FSD1L: variants seen among roughly 807,000 people sequenced by gnomAD.
FSD1L encodes the protein fibronectin type III and SPRY domain containing 1 like.
In FSD1L, 45 loss-of-function variants were observed where a neutral mutation model predicts 71.6. The ratio of observed to expected loss-of-function variants is 0.63; its 90% confidence interval spans 0.49 to 0.81. The LOEUF (loss-of-function observed/expected upper bound fraction) is 0.81. Among genes scored for constraint, FSD1L ranks in the 30% least tolerant of loss-of-function variants. The probability of loss-of-function intolerance (pLI) is 0.00; values close to 1 mark genes in which losing one functional copy is unlikely to be tolerated. For synonymous variants in FSD1L, 197 were observed against 207.2 expected (o/e 0.95, Z 0.42); for missense variants, 561 against 618.1 (o/e 0.91, Z 0.98).
chr9:105,513,340 A>G lies in FSD1L; in HGVS notation c.1025+404A>G, dbSNP rs74962883. On this transcript the variant is annotated intron_variant, in intron 10 of 13. Transcript: ENST00000481272. ...CCTAGGGTCTTGCCTCTGATCAGCA[A>G]CACAATGAACCTAAGAGGCAGGTTC... is the stretch of plus-strand genomic sequence containing the variant. Among the ~76,000 whole-genome samples, 1,399 of 152,304 alleles carry G rather than the reference A, an allele frequency of 9.2e-3. 21 individuals carry two copies. The highest frequency in any genetic ancestry group is 0.032 in the African/African-American group (1,340 of 41,568).
intron 7 of FSD1L, among the ~76,000 whole-genome samples, chr9:105,489,751 C>T (rs1044113186): frequency 3.9e-5 from 6 of 152,140 alleles, no homozygotes; most frequent in South Asian, 2.1e-4. Flanking sequence ...TGAGAATATG[C>T]GGTGTTAGGT....
At chr9:105,541,632 G>T (rs1363299916) in intron 13 of FSD1L, among the ~76,000 whole-genome samples, 2 of 151,848 alleles carry the variant, frequency 1.3e-5, no homozygotes, top group African/African-American at 2.4e-5. Flanking sequence ...TAAATGTTTT[G>T]TGTACAAGAT....
intron 1 of FSD1L, among the ~76,000 whole-genome samples, chr9:105,452,665 GCCTGCCTTCCTTCCTTCCTT>G (rs1830097076): frequency 3.5e-5 from 3 of 85,850 alleles, no homozygotes; most frequent in African/African-American, 9.5e-5. Context: ...CTGCCTGCCT[GCCTGCCTTCCTTCCTTCCTT>G]CCTTCCTTCC....
chr9:105,546,239 T>C (rs373293067), intron 13 of FSD1L, 119 bp from the exon 14 acceptor site: 1 of 834,932 alleles, frequency 1.2e-6, no homozygotes, highest in Non-Finnish European at 1.8e-6. Context: ...TGACAGTTAA[T>C]GTGTTTGAGA....
At chr9:105,524,526 G>A in intron 10 of FSD1L, 1 of 1,613,946 alleles carries the variant, frequency 6.2e-7, no homozygotes, top group South Asian at 1.1e-5. Context: ...AGAAAAATCT[G>A]TTCTCAATTG....
In FSD1L at chr9:105,508,605, T is replaced by C. The variant is rs532884776; in HGVS notation, c.797-12T>C. On this transcript the variant is annotated splice_polypyrimidine_tract_variant and intron_variant, in intron 8 of 13. Transcript: ENST00000481272. ...CTGTACATGTCTGAAAACCATGTTT[T>C]CGTTTCTTCAGGCTTAAAATTTGAT... 3.3e-6 allele frequency: 5 copies of C among 1,508,588 alleles called. No individual in the cohort carries two copies. The highest frequency in any genetic ancestry group is 1.7e-4 in the Middle Eastern group (1 of 5,916). 93.5% of individuals were successfully genotyped at this position (1,508,588 alleles called of 1,614,324 possible). A position where few individuals can be genotyped will look rare whatever the true frequency, so the allele number is the denominator to read the frequency against.
At chr9:105,482,685 T>C (rs1832289071) in intron 6 of FSD1L, among the ~76,000 whole-genome samples, 1 of 152,216 alleles carries the variant, frequency 6.6e-6, no homozygotes, top group Admixed American at 6.5e-5. Context: ...AATTGATTCA[T>C]GGAAACTTAA....
At chr9:105,510,866 A>G (rs903661956) in intron 9 of FSD1L, among the ~76,000 whole-genome samples, 9 of 152,196 alleles carry the variant, frequency 5.9e-5, no homozygotes, top group Non-Finnish European at 1.5e-5. Context: ...TAAACATATG[A>G]AACATATCTG....
rs1564098389 is a variant in FSD1L at position 105,481,181 on chromosome 9, T to TG, written c.464+1805_464+1806insG. The stretch of plus-strand genomic sequence containing the variant: ...TGTGTGTGTGTGTGTGTGTGTGTGG[T>TG]TCTTTTTTTTTTTTTTTTTTTTTGC... On this transcript the variant is annotated intron_variant, in intron 6 of 13. Coordinates refer to ENST00000481272, the MANE Select transcript of FSD1L (RefSeq NM_001145313.3). Among the ~76,000 whole-genome samples the TG allele has an allele frequency of 2.0e-4, 11 of 56,196 alleles. No homozygotes were observed. The East Asian group carries it at 3.3e-3, about 17-fold the overall frequency. The allele number at this position is 56,196 out of a possible 152,430, so 36.9% of individuals were successfully genotyped here.
At chr9:105,513,707 C>A (rs1834533104) in intron 10 of FSD1L, 2 of 1,175,632 alleles carry the variant, frequency 1.7e-6, no homozygotes, top group Non-Finnish European at 2.4e-6. Flanking sequence ...TTAATTTTAT[C>A]TTTTAACCAA....
intron 2 of FSD1L, among the ~76,000 whole-genome samples, chr9:105,463,635 A>G (rs1160196351): frequency 6.6e-6 from 1 of 152,234 alleles, no homozygotes; most frequent in African/African-American, 2.4e-5. Flanking sequence ...GCACCGAACC[A>G]GAGAGAAAAT....
chr9:105,482,894 C>T (rs1048740869), intron 6 of FSD1L, among the ~76,000 whole-genome samples: 2 of 152,052 alleles, frequency 1.3e-5, no homozygotes, highest in Non-Finnish European at 2.9e-5. Context: ...ATTTAAATAT[C>T]TAGTCAGGTT....
intron 13 of FSD1L, among the ~76,000 whole-genome samples, chr9:105,545,001 T>C (rs1310593066): frequency 6.6e-6 from 1 of 152,234 alleles, no homozygotes; most frequent in Non-Finnish European, 1.5e-5. Flanking sequence ...GCATTAAATC[T>C]ATAAATTACC....
At chr9:105,508,818 T>G (rs968953195) in intron 9 of FSD1L, 103 bp downstream of exon 9, 2 of 644,226 alleles carry the variant, frequency 3.1e-6, no homozygotes, top group Admixed American at 3.3e-5. Flanking sequence ...GAATTACTTC[T>G]CTACTTCTCC....
At chr9:105,451,749 GT>G (rs929714895) in intron 1 of FSD1L, among the ~76,000 whole-genome samples, 2 of 152,136 alleles carry the variant, frequency 1.3e-5, no homozygotes, top group African/African-American at 4.8e-5. Context: ...AATCCCAAAG[GT>G]TTCTTTACCG....
chr9:105,448,744 C>T (rs1349401527), intron 1 of FSD1L, among the ~76,000 whole-genome samples: 1 of 152,202 alleles, frequency 6.6e-6, no homozygotes, highest in Non-Finnish European at 1.5e-5. Flanking sequence ...CGCTCCCCTT[C>T]CCATGACTTT....
rs145534640 is a variant in FSD1L, at chr9:105,455,008, A to G, written c.16-6512A>G. On this transcript the variant is annotated intron_variant, in intron 1 of 13. Coordinates refer to ENST00000481272, the MANE Select transcript of FSD1L (RefSeq NM_001145313.3). ...TCTCTTTTTTTCACCTTCTTGCATC[A>G]CATCTGAGCATGATACTTTTGTTAA... Among the ~76,000 whole-genome samples, 1,025 of 152,160 alleles carry G rather than the reference A, an allele frequency of 6.7e-3. 11 individuals are homozygous for G. The highest frequency in any genetic ancestry group is 0.022 in the Admixed American group (339 of 15,278).
chr9:105,520,773 A>G (rs916116007), intron 10 of FSD1L: 14 of 1,610,634 alleles, frequency 8.7e-6, no homozygotes, highest in Non-Finnish European at 1.2e-5. Flanking sequence ...AGATAATCTC[A>G]TTAATCCTCC....
chr9:105,508,650 G>C lies in FSD1L; in HGVS notation c.830G>C (p.Arg277Thr). The C allele has an allele frequency of 1.3e-6, 2 of 1,551,520 alleles. No homozygotes were observed. The highest frequency in any genetic ancestry group is 1.7e-6 in the Non-Finnish European group (2 of 1,146,616). Residue 277 changes from arginine to threonine, a missense_variant, in exon 9 of 14, where the codon AGA (arginine) becomes ACA (threonine). Transcript: ENST00000481272. The part of the protein sequence containing the change: ...LKFDSKYMNF[R>T]VRACNKAVAG... ...TTTGATTCAAAGTATATGAATTTCA[G>C]AGTGCGAGCTTGTAACAAGGCTGTG...
Sources: gnomAD v4.1 joint callset for allele counts (sites outside exome capture counted in the v4.1 genomes callset) on GRCh38, gnomAD v4.1.1 for gene constraint, MANE v1.5 for transcripts, NCBI Gene and HGNC (gene_info 2026-07-23, HGNC 2026-07-21) for gene names.